Variants in SULF2 observed in about 807,000 individuals in gnomAD.
The protein encoded by SULF2 is extracellular sulfatase Sulf-2.
In SULF2, 52 loss-of-function variants were observed where a neutral mutation model predicts 107.7. The observed-to-expected ratio is 0.48, with a 90% CI of 0.39 to 0.61. SULF2 has a LOEUF of 0.61. Ranked by LOEUF, SULF2 falls within the 20% of genes least tolerant of loss-of-function variation. SULF2 has a pLI of 0.00. For synonymous variants in SULF2, 460 were observed against 464.3 expected (o/e 0.99, Z 0.12); for missense variants, 993 against 1,177.3 (o/e 0.84, Z 2.29).
At position 47,757,459 on chromosome 20, in the gene SULF2, C is replaced by T; in HGVS notation, c.-96G>A. On this transcript the variant is annotated 5_prime_UTR_variant, in exon 2 of 21. Transcript: ENST00000688720. ...CTTTTCCCTCGTCCCTCTTCACTCG[C>T]AGATCTAGAGGAGGAGGAAGAATCA... 7.3e-7 allele frequency: 1 copy of T among 1,370,928 alleles called. No homozygotes were observed. 84.9% of individuals were successfully genotyped at this position (1,370,928 alleles called of 1,614,324 possible). A position where few individuals can be genotyped will look rare whatever the true frequency, so the allele number is the denominator to read the frequency against.
chr20:47,778,842 G>C lies in SULF2; in HGVS notation c.-101+6501C>G, dbSNP rs190580013. ...CATGACAGGCACTAGGGGGAGGCTG[G>C]GGGGAGAAAACCACACTAGAAAACA... On this transcript the variant is annotated intron_variant, in intron 1 of 20. Coordinates refer to ENST00000688720, the MANE Select transcript of SULF2 (RefSeq NM_001387048.1). 5.4e-4 allele frequency among the ~76,000 whole-genome samples: 82 copies of C among 152,266 alleles called. No individual in the cohort carries two copies. In the East Asian group the frequency reaches 0.011, roughly 20 times the overall value.
rs76945503 is a variant in SULF2, at chr20:47,705,576, T to A, written c.416-2906A>T. Among the ~76,000 whole-genome samples, 757 of 152,258 alleles carry A rather than the reference T, an allele frequency of 5.0e-3. 10 individuals carry two copies. Among genetic ancestry groups the A allele is most frequent in the South Asian group, 0.047 (228 of 4,824 alleles). On this transcript the variant is annotated intron_variant, in intron 3 of 20. Transcript: ENST00000688720. Reference sequence around the variant, plus strand: ...CAATGCATCCAGCTCCTCAAAGCAGTGGCTCTTGGCCAGAAAGGGGGTAAT... The same window carrying A: ...CAATGCATCCAGCTCCTCAAAGCAGAGGCTCTTGGCCAGAAAGGGGGTAAT...
chr20:47,659,467 G>A lies in SULF2; in HGVS notation c.2529-15C>T. ...GCTGAAACTGCCTAAGTTTTCAAGT[G>A]TCAAAGGAGAATGAATGTTAACCAT... On this transcript the variant is annotated splice_polypyrimidine_tract_variant and intron_variant, in intron 19 of 20. Coordinates refer to ENST00000688720, the MANE Select transcript of SULF2 (RefSeq NM_001387048.1). 6.2e-7 allele frequency: 1 copy of A among 1,613,566 alleles called. No individual in the cohort carries two copies. The highest frequency in any genetic ancestry group is 8.5e-7 in the Non-Finnish European group (1 of 1,179,508).
chr20:47,769,698 C>T (rs1446390865), intron 1 of SULF2, among the ~76,000 whole-genome samples: 1 of 152,162 alleles, frequency 6.6e-6, no homozygotes, highest in Non-Finnish European at 1.5e-5. Flanking sequence ...AAAAACAATC[C>T]TTCATGGATC....
chr20:47,756,581 A>G (rs897409301), intron 2 of SULF2, among the ~76,000 whole-genome samples: 7 of 151,916 alleles, frequency 4.6e-5, no homozygotes, highest in Non-Finnish European at 8.8e-5. Context: ...CACGGGATCA[A>G]TGATTGACAG....
chr20:47,756,373 G>A (rs2090283240), intron 2 of SULF2, among the ~76,000 whole-genome samples: 4 of 152,082 alleles, frequency 2.6e-5, no homozygotes, highest in South Asian at 2.1e-4. Context: ...AGAAGCTCCC[G>A]GAGGAAAAAA....
intron 1 of SULF2, among the ~76,000 whole-genome samples, chr20:47,762,828 C>T (rs1017916334): frequency 3.3e-5 from 5 of 152,212 alleles, no homozygotes; most frequent in African/African-American, 9.7e-5. Flanking sequence ...CACTCCTGGG[C>T]GGCTATCACC....
intron 1 of SULF2, among the ~76,000 whole-genome samples, chr20:47,780,299 G>A (rs1019207734): frequency 1.3e-5 from 2 of 152,116 alleles, no homozygotes; most frequent in Non-Finnish European, 2.9e-5. Flanking sequence ...TTTCAGGCGT[G>A]AGCCACCACG....
At chr20:47,677,511 T>G (rs1273739703) in intron 8 of SULF2, among the ~76,000 whole-genome samples, 1 of 151,896 alleles carries the variant, frequency 6.6e-6, no homozygotes, top group Non-Finnish European at 1.5e-5. Flanking sequence ...GAGTTCAGCG[T>G]CAGGCGCAGT....
At chr20:47,760,204 C>T (rs1208534257) in intron 1 of SULF2, among the ~76,000 whole-genome samples, 1 of 152,192 alleles carries the variant, frequency 6.6e-6, no homozygotes, top group Non-Finnish European at 1.5e-5. Flanking sequence ...AGGGTCACTC[C>T]TGCTCCATTT....
intron 3 of SULF2, among the ~76,000 whole-genome samples, chr20:47,710,885 ACGATT>A (rs1299587021): frequency 6.6e-6 from 1 of 152,098 alleles, no homozygotes; most frequent in African/African-American, 2.4e-5. Flanking sequence ...CTCCTGGGGA[ACGATT>A]CGGAGCCTGA....
At chr20:47,659,873 T>C in intron 18 of SULF2, 143 bp from the exon 19 acceptor site, 1 of 668,702 alleles carries the variant, frequency 1.5e-6, no homozygotes, top group Admixed American at 2.7e-5. Flanking sequence ...GACTGAATTA[T>C]GAGGGGTAGA....
At chr20:47,684,651 C>T in intron 5 of SULF2, 70 bp from the exon 6 acceptor site, 1 of 1,540,982 alleles carries the variant, frequency 6.5e-7, no homozygotes, top group Non-Finnish European at 8.8e-7. Context: ...CCCCGCCAGA[C>T]CCGCCCGGAT....
At chr20:47,771,237 C>T (rs2090624829) in intron 1 of SULF2, among the ~76,000 whole-genome samples, 1 of 152,134 alleles carries the variant, frequency 6.6e-6, no homozygotes, top group Non-Finnish European at 1.5e-5. Flanking sequence ...TGGGTGGGCA[C>T]TCTTCCTTCT....
intron 3 of SULF2, among the ~76,000 whole-genome samples, chr20:47,727,058 TG>T (rs11478669): frequency 0.66 from 96,602 of 147,452 alleles, 31,874 homozygotes; most frequent in South Asian, 0.73. Context: ...GCAGCCTTTA[TG>T]GGGGGGGGCG....
intron 4 of SULF2, among the ~76,000 whole-genome samples, chr20:47,700,237 C>T (rs138668082): frequency 3.2e-4 from 49 of 152,260 alleles, no homozygotes; most frequent in Admixed American, 8.5e-4. Context: ...CCAAGCAGGT[C>T]GACTGCCTGT....
intron 1 of SULF2, among the ~76,000 whole-genome samples, chr20:47,780,545 AG>A (rs2090812070): frequency 1.3e-5 from 2 of 151,986 alleles, no homozygotes; most frequent in South Asian, 4.2e-4. Flanking sequence ...CACATCATGC[AG>A]TCATTTTTCT....
intron 3 of SULF2, among the ~76,000 whole-genome samples, chr20:47,729,258 G>A (rs531577804): frequency 4.6e-5 from 7 of 152,318 alleles, no homozygotes; most frequent in African/African-American, 1.7e-4. Flanking sequence ...GAGGCTGAGA[G>A]GGTTCAGAGA....
intron 20 of SULF2, among the ~76,000 whole-genome samples, chr20:47,658,834 A>C (rs1182530419): frequency 6.6e-6 from 1 of 152,254 alleles, no homozygotes; most frequent in Non-Finnish European, 1.5e-5. Context: ...TGATAATGAT[A>C]AAGAATTCTC....
Sources: allele counts gnomAD v4.1 joint callset (sites outside exome capture counted in the v4.1 genomes callset), GRCh38; gene constraint gnomAD v4.1.1; transcripts MANE v1.5; gene names NCBI Gene and HGNC (gene_info 2026-07-23, HGNC 2026-07-21).